The following WDR7 variants were observed in gnomAD, a reference collection of about 807,000 sequenced individuals.
WDR7 encodes WD repeat domain 7.
A neutral mutation model predicts 169.4 loss-of-function variants in WDR7; 46 were observed. The ratio of observed to expected loss-of-function variants is 0.27; its 90% CI spans 0.21 to 0.35. The LOEUF is 0.35. WDR7 is among the 10% of genes least tolerant of loss of function. WDR7 has a pLI of 1.00. For synonymous variants in WDR7, 612 were observed against 666.8 expected (o/e 0.92, Z 1.27); for missense variants, 1,534 against 1,859.3 (o/e 0.83, Z 3.22).
At chr18:56,909,134 G>GGAAAC (rs2046519942) in intron 21 of WDR7, among the ~76,000 whole-genome samples, 2 of 152,090 alleles carry the variant, frequency 1.3e-5, no homozygotes, top group Non-Finnish European at 2.9e-5. Context: ...CTTATACCCA[G>GGAAAC]TTTGTTACCC....
intron 21 of WDR7, among the ~76,000 whole-genome samples, chr18:56,882,836 C>T (rs1429851005): frequency 6.6e-6 from 1 of 152,216 alleles, no homozygotes; most frequent in African/African-American, 2.4e-5. Context: ...TCAACACCAT[C>T]CTTTTGTATT....
intron 20 of WDR7, among the ~76,000 whole-genome samples, chr18:56,827,282 G>A (rs2045223286): frequency 6.6e-6 from 1 of 152,128 alleles, no homozygotes; most frequent in Non-Finnish European, 1.5e-5. Context: ...GAAATATGAG[G>A]ATAATAAGGT....
rs1000077806 is a variant in WDR7, at chr18:57,020,934, G to A, written c.4269+85G>A. ...AGCCTTCCTGTTGAGCCTACCTGCC[G>A]GCCCTCCTTCCTGTCCTCCCTCCCT... On this transcript the variant is annotated intron_variant, in intron 27 of 27. Coordinates refer to ENST00000254442, the MANE Select transcript of WDR7 (RefSeq NM_015285.3). 52 of 1,242,896 alleles carry A rather than the reference G, an allele frequency of 4.2e-5. No individual in the cohort carries two copies. The South Asian group carries it at 4.5e-4, about 11-fold the overall frequency. The allele number at this position is 1,242,896 out of a possible 1,614,324, so 77.0% of individuals were successfully genotyped here.
chr18:56,783,911 T>A (rs936113871), intron 19 of WDR7, among the ~76,000 whole-genome samples: 38 of 152,200 alleles, frequency 2.5e-4, no homozygotes, highest in Non-Finnish European at 5.1e-4. Flanking sequence ...AATTACTCCC[T>A]GAAGCAGTGC....
intron 12 of WDR7, among the ~76,000 whole-genome samples, chr18:56,705,995 C>A (rs536107028): frequency 6.6e-6 from 1 of 152,150 alleles, no homozygotes; most frequent in Non-Finnish European, 1.5e-5. Flanking sequence ...GAGATGCCGT[C>A]TCAAAAACCA....
intron 7 of WDR7, among the ~76,000 whole-genome samples, chr18:56,687,889 A>G (rs1334925539): frequency 1.3e-5 from 2 of 152,090 alleles, no homozygotes; most frequent in Admixed American, 6.6e-5. Context: ...CAGCCCCCCA[A>G]AGTGCTGGGA....
In WDR7 at chr18:56,784,254, T is replaced by A. The variant is rs1358752632; in HGVS notation, c.3190+2598T>A. ...TTGTAACCACTATTTATTCCTTTTT[T>A]TAAAAAATTATTTTTTATTTCAATA... is the stretch of plus-strand genomic sequence containing the variant. On this transcript the variant is annotated intron_variant, in intron 19 of 27. Transcript: ENST00000254442. Among the ~76,000 whole-genome samples the A allele has an allele frequency of 2.6e-5, 4 of 152,212 alleles. No individual in the cohort carries two copies. In the East Asian group the frequency reaches 7.7e-4, roughly 29 times the overall value.
intron 26 of WDR7, among the ~76,000 whole-genome samples, chr18:56,986,835 A>T (rs1397538066): frequency 6.6e-6 from 1 of 152,124 alleles, no homozygotes; most frequent in African/African-American, 2.4e-5. Flanking sequence ...TTCATGCCAA[A>T]TTCATGACAT....
chr18:56,698,533 G>A (rs1177967194), intron 12 of WDR7, among the ~76,000 whole-genome samples: 1 of 151,620 alleles, frequency 6.6e-6, no homozygotes, highest in Non-Finnish European at 1.5e-5. Context: ...GTGAACCCAG[G>A]AGGTGGAGCT....
At chr18:56,733,648 C>G (rs1256486597) in intron 14 of WDR7, among the ~76,000 whole-genome samples, 1 of 152,130 alleles carries the variant, frequency 6.6e-6, no homozygotes, top group African/African-American at 2.4e-5. Flanking sequence ...ACATTGAAAA[C>G]TTCACAAAGA....
At chr18:56,871,744 A>G (rs1421711920) in intron 20 of WDR7, among the ~76,000 whole-genome samples, 1 of 152,136 alleles carries the variant, frequency 6.6e-6, no homozygotes, top group Non-Finnish European at 1.5e-5. Flanking sequence ...AATTTCTGGC[A>G]TAAAATTGTT....
chr18:56,731,652 G>C, intron 14 of WDR7, 55 bp downstream of exon 14: 4 of 1,423,180 alleles, frequency 2.8e-6, no homozygotes, highest in South Asian at 1.4e-5. Flanking sequence ...ACTTCATTTA[G>C]TAACATGGCT....
At chr18:56,679,112 A>G (rs1359520581) in intron 2 of WDR7, among the ~76,000 whole-genome samples, 3 of 152,158 alleles carry the variant, frequency 2.0e-5, no homozygotes, top group South Asian at 2.1e-4. Flanking sequence ...CTGGGTCTCT[A>G]CAATCAGCCA....
At chr18:56,654,416 C>T (rs2144399101) in intron 1 of WDR7, among the ~76,000 whole-genome samples, 1 of 152,336 alleles carries the variant, frequency 6.6e-6, no homozygotes, top group African/African-American at 2.4e-5. Context: ...AGGCATGAGC[C>T]AGCGTGCCCT....
Position 56,893,193 on chromosome 18 carries a change from C to CT in WDR7, c.3526+13039dup, listed in dbSNP as rs560281751. Among the ~76,000 whole-genome samples, 389 of 143,856 alleles carry CT rather than the reference C, an allele frequency of 2.7e-3. 2 individuals carry two copies. The highest frequency in any genetic ancestry group is 8.5e-3 in the African/African-American group (336 of 39,720). The allele number at this position is 143,856 out of a possible 152,430, so 94.4% of individuals were successfully genotyped here. ...AACGGGTCACATTGTTTGCTGGTGA[C>CT]TTTTTTTTTTTCTGCATTAGGACAT... On this transcript the variant is annotated intron_variant, in intron 21 of 27. Coordinates refer to ENST00000254442, the MANE Select transcript of WDR7 (RefSeq NM_015285.3).
intron 26 of WDR7, among the ~76,000 whole-genome samples, chr18:57,012,838 G>T (rs186196366): frequency 6.6e-6 from 1 of 152,132 alleles, no homozygotes; most frequent in Non-Finnish European, 1.5e-5. Flanking sequence ...ACCCAAACAA[G>T]TTATCGCACC....
intron 1 of WDR7, among the ~76,000 whole-genome samples, chr18:56,671,158 T>C (rs957132111): frequency 4.6e-5 from 7 of 152,222 alleles, no homozygotes; most frequent in African/African-American, 1.7e-4. Flanking sequence ...TTTTCTTTAA[T>C]GGAGAAATGA....
intron 20 of WDR7, among the ~76,000 whole-genome samples, chr18:56,820,918 A>G (rs2045084097): frequency 6.6e-6 from 1 of 152,230 alleles, no homozygotes; most frequent in African/African-American, 2.4e-5. Context: ...GTCCCAAAAC[A>G]TATGATTTGA....
intron 21 of WDR7, among the ~76,000 whole-genome samples, chr18:56,917,199 A>G (rs2046641025): frequency 6.6e-6 from 1 of 152,090 alleles, no homozygotes; most frequent in Non-Finnish European, 1.5e-5. Flanking sequence ...TCCGTCTCAA[A>G]AAAAAAAAAT....
Sources: gnomAD v4.1 joint callset for allele counts (sites outside exome capture counted in the v4.1 genomes callset) on GRCh38, gnomAD v4.1.1 for gene constraint, MANE v1.5 for transcripts, NCBI Gene and HGNC (gene_info 2026-07-23, HGNC 2026-07-21) for gene names.